SNTG1: variants seen among roughly 807,000 people sequenced by gnomAD.
SNTG1 encodes syntrophin gamma 1, also known as gamma-1-syntrophin.
Under a neutral mutation model 74.7 loss-of-function variants are expected in SNTG1, and 39 were observed. The ratio of observed to expected loss-of-function variants is 0.52; its 90% CI spans 0.40 to 0.68. SNTG1 has a LOEUF of 0.68. Among genes scored for constraint, SNTG1 ranks in the 30% least tolerant of loss-of-function variants. SNTG1 has a pLI of 0.00. For missense variants in SNTG1, 685 were observed against 609.5 expected (o/e 1.12, Z -1.30); for synonymous variants, 254 against 217.1 (o/e 1.17, Z -1.49).
In SNTG1 at chr8:50,550,130, A is replaced by G. The variant is rs1232427350; in HGVS notation, c.681-2920A>G. Among the ~76,000 whole-genome samples, 3 of 152,196 alleles carry G rather than the reference A, an allele frequency of 2.0e-5. No homozygotes were observed. The South Asian group carries it at 6.2e-4, about 32-fold the overall frequency. ...TATCATCTCAAGTTTTACCAGTGAC[A>G]GTCTTTTCCTCACTGGTCTAATAGG... On this transcript the variant is annotated intron_variant, in intron 11 of 18. Coordinates refer to ENST00000642720, the MANE Select transcript of SNTG1 (RefSeq NM_018967.5).
intron 2 of SNTG1, among the ~76,000 whole-genome samples, chr8:50,338,333 C>T (rs1310460963): frequency 2.6e-5 from 4 of 152,068 alleles, no homozygotes; most frequent in African/African-American, 9.7e-5. Context: ...ATGATCTACT[C>T]ACATCAGTTT....
chr8:50,486,981 TTGCATCACAGGGA>T (rs1188526263), intron 8 of SNTG1, among the ~76,000 whole-genome samples: 24 of 152,358 alleles, frequency 1.6e-4, no homozygotes, highest in Admixed American at 7.8e-4. Flanking sequence ...TGAACCAGCC[TTGCATCACAGGGA>T]TGAAGCCCAC....
At chr8:50,203,395 G>C (rs58229776) in intron 2 of SNTG1, among the ~76,000 whole-genome samples, 13 of 152,006 alleles carry the variant, frequency 8.6e-5, no homozygotes, top group African/African-American at 2.9e-4. Context: ...CAGATTTCAG[G>C]TGACAGTTTG....
At chr8:50,401,449 A>G (rs2092804465) in intron 3 of SNTG1, among the ~76,000 whole-genome samples, 2 of 152,224 alleles carry the variant, frequency 1.3e-5, no homozygotes, top group South Asian at 4.1e-4. Flanking sequence ...TTTCACAATT[A>G]CCCAAAGTAT....
At chr8:50,355,871 C>T (rs1024854975) in intron 2 of SNTG1, among the ~76,000 whole-genome samples, 5 of 152,038 alleles carry the variant, frequency 3.3e-5, no homozygotes, top group Non-Finnish European at 5.9e-5. Flanking sequence ...GTGAGCTTAC[C>T]GTGGCTTTTA....
chr8:50,481,085 A>G (rs1329602734), intron 8 of SNTG1, among the ~76,000 whole-genome samples: 1 of 152,218 alleles, frequency 6.6e-6, no homozygotes, highest in East Asian at 1.9e-4. Flanking sequence ...GGCAAAGCTG[A>G]TAAACATACA....
chr8:50,536,553 T>C (rs2094308558), intron 10 of SNTG1, 125 bp from the exon 11 acceptor site: 2 of 1,128,358 alleles, frequency 1.8e-6, no homozygotes, highest in Non-Finnish European at 2.5e-6. Context: ...CTTCTCATGG[T>C]ATTCCATTAA....
chr8:49,988,694 G>T (rs1460651988), intron 1 of SNTG1, among the ~76,000 whole-genome samples: 1 of 152,034 alleles, frequency 6.6e-6, no homozygotes, highest in African/African-American at 2.4e-5. Context: ...TAATGAGAAT[G>T]CTTTGCACAA....
chr8:49,999,672 C>A (rs1814569248), intron 1 of SNTG1, among the ~76,000 whole-genome samples: 1 of 152,146 alleles, frequency 6.6e-6, no homozygotes, highest in Non-Finnish European at 1.5e-5. Flanking sequence ...CTCCCCATTT[C>A]TTCCTGGGGC....
chr8:50,776,347 A>G (rs1047013888), intron 18 of SNTG1, among the ~76,000 whole-genome samples: 2 of 149,094 alleles, frequency 1.3e-5, no homozygotes, highest in African/African-American at 4.9e-5. Flanking sequence ...TAGGTGTAGA[A>G]ACCTTAACAT....
At chr8:49,930,405 T>A (rs1208822378) in intron 1 of SNTG1, among the ~76,000 whole-genome samples, 2 of 152,088 alleles carry the variant, frequency 1.3e-5, no homozygotes, top group East Asian at 1.9e-4. Context: ...TTTTATTAAC[T>A]AATTAAAAAT....
chr8:50,413,919 A>C (rs1056507083), intron 4 of SNTG1, among the ~76,000 whole-genome samples: 2 of 152,058 alleles, frequency 1.3e-5, no homozygotes, highest in South Asian at 4.1e-4. Flanking sequence ...ATTCTATCCT[A>C]TTTTATATTT....
At chr8:50,158,721 T>C (rs1468269504) in intron 1 of SNTG1, among the ~76,000 whole-genome samples, 1 of 152,134 alleles carries the variant, frequency 6.6e-6, no homozygotes, top group African/African-American at 2.4e-5. Flanking sequence ...CTTATTACAT[T>C]AACATAACTT....
chr8:50,376,305 C>T (rs2092379045), intron 2 of SNTG1, among the ~76,000 whole-genome samples: 1 of 152,130 alleles, frequency 6.6e-6, no homozygotes, highest in Admixed American at 6.6e-5. Context: ...GAACCAGACT[C>T]TTGCTATTCA....
intron 17 of SNTG1, among the ~76,000 whole-genome samples, chr8:50,722,438 TG>T (rs1465822570): frequency 6.6e-6 from 1 of 151,906 alleles, no homozygotes; most frequent in Non-Finnish European, 1.5e-5. Context: ...AGCCTCCCAG[TG>T]TGCTGGGATT....
Position 50,687,223 on chromosome 8 carries a change from G to A in SNTG1, c.1039-17377G>A, listed in dbSNP as rs551846656. ...CCATGAAACCACAAAGAAAGACAGCGAGAGATGAAAAATGAAAAAAAAATG... is the reference window on the plus strand; with the variant it reads ...CCATGAAACCACAAAGAAAGACAGCAAGAGATGAAAAATGAAAAAAAAATG... On this transcript the variant is annotated intron_variant, in intron 15 of 18. Transcript: ENST00000642720. Among the ~76,000 whole-genome samples, 18 of 149,784 alleles carry A rather than the reference G, an allele frequency of 1.2e-4. No individual in the cohort carries two copies. In the East Asian group the frequency reaches 1.4e-3, roughly 11 times the overall value.
At chr8:50,734,124 A>G (rs181552585) in intron 17 of SNTG1, among the ~76,000 whole-genome samples, 16 of 151,900 alleles carry the variant, frequency 1.1e-4, no homozygotes, top group Non-Finnish European at 2.2e-4. Context: ...TTTTATTGTG[A>G]AAGGGATACT....
At chr8:50,218,587 T>TA (rs145183577) in intron 2 of SNTG1, among the ~76,000 whole-genome samples, 2 of 152,098 alleles carry the variant, frequency 1.3e-5, no homozygotes, top group African/African-American at 4.8e-5. Context: ...TGGTTTTATT[T>TA]AAAAAATAAT....
chr8:50,560,233 G>A (rs2094479416), intron 12 of SNTG1, among the ~76,000 whole-genome samples: 1 of 152,180 alleles, frequency 6.6e-6, no homozygotes, highest in African/African-American at 2.4e-5. Context: ...ATGCTGGCAA[G>A]GTTGCACAGA....
Sources: allele counts gnomAD v4.1 joint callset (sites outside exome capture counted in the v4.1 genomes callset), GRCh38; gene constraint gnomAD v4.1.1; transcripts MANE v1.5; gene names NCBI Gene and HGNC (gene_info 2026-07-23, HGNC 2026-07-21).